Variants in EPHA5 observed in about 807,000 individuals in gnomAD.
The protein encoded by EPHA5 is ephrin type-A receptor 5.
EPHA5 carries 60 observed loss-of-function variants against 105.0 expected under a neutral mutation model. The observed-to-expected ratio is 0.57, with a 90% CI of 0.46 to 0.71. EPHA5 has a LOEUF of 0.71. EPHA5 is among the 30% of genes least tolerant of loss of function. The pLI is 0.00. For missense variants in EPHA5, 1,218 were observed against 1,274.7 expected (o/e 0.96, Z 0.68); for synonymous variants, 513 against 449.1 (o/e 1.14, Z -1.80).
At position 65,525,220 on chromosome 4, in the gene EPHA5, G is replaced by A. The variant is rs143822560; in HGVS notation, c.911-29677C>T. Among the ~76,000 whole-genome samples the A allele has an allele frequency of 3.0e-4, 45 of 151,512 alleles. No homozygotes were observed. The East Asian group carries it at 6.6e-3, about 22-fold the overall frequency. ...TATTAAAAGCTATATTAAAGGAGTGGCATTTGGCAGGAAATACTATAATTT... is the reference window on the plus strand; with the variant it reads ...TATTAAAAGCTATATTAAAGGAGTGACATTTGGCAGGAAATACTATAATTT... On this transcript the variant is annotated intron_variant, in intron 3 of 16. Transcript: ENST00000613740.
At chr4:65,541,045 C>T (rs1248660853) in intron 3 of EPHA5, among the ~76,000 whole-genome samples, 1 of 151,292 alleles carries the variant, frequency 6.6e-6, no homozygotes, top group East Asian at 1.9e-4. Context: ...GTCTGCACCT[C>T]CCTCCCTCCT....
intron 3 of EPHA5, among the ~76,000 whole-genome samples, chr4:65,563,205 C>T (rs1739198549): frequency 6.6e-6 from 1 of 152,004 alleles, no homozygotes; most frequent in African/African-American, 2.4e-5. Context: ...CCCCATTTGG[C>T]AGACCTGTCC....
Position 65,457,195 on chromosome 4 carries a change from T to C in EPHA5, c.1402+33182A>G, listed in dbSNP as rs148645329. Among the ~76,000 whole-genome samples the C allele has an allele frequency of 1.6e-3, 251 of 152,300 alleles. 1 individual carries two copies. Among genetic ancestry groups the C allele is most frequent in the African/African-American group, 5.8e-3 (242 of 41,580 alleles). ...AACATTGAGCTGCACAGGAAGAGAC[T>C]GCATACTGTTTTTGTTAATGGGATT... is the stretch of plus-strand genomic sequence containing the variant. On this transcript the variant is annotated intron_variant, in intron 5 of 16. Transcript: ENST00000613740.
At chr4:65,408,929 T>TG (rs1308109838) in intron 7 of EPHA5, among the ~76,000 whole-genome samples, 3 of 151,994 alleles carry the variant, frequency 2.0e-5, no homozygotes, top group East Asian at 1.9e-4. Context: ...AGCAAAGACT[T>TG]GAACCAACCC....
intron 3 of EPHA5, chr4:65,574,345 A>G (rs1448086860): frequency 4.9e-6 from 6 of 1,224,362 alleles, no homozygotes; most frequent in Non-Finnish European, 6.5e-6. Context: ...TAAGAACCTA[A>G]TTAAATAGCT....
chr4:65,379,536 T>C lies in EPHA5; in HGVS notation c.1794-12112A>G, dbSNP rs562790945. On this transcript the variant is annotated intron_variant, in intron 8 of 16. Coordinates refer to ENST00000613740, the MANE Select transcript of EPHA5 (RefSeq NM_001281766.3). ...AAAATAGTGATAAAAATAGATGTTT[T>C]CTCATAGGTTTTGTGAAAATAAAGT... 3.3e-5 allele frequency among the ~76,000 whole-genome samples: 5 copies of C among 151,856 alleles called. No homozygotes were observed. The East Asian group carries it at 9.7e-4, about 30-fold the overall frequency.
intron 5 of EPHA5, among the ~76,000 whole-genome samples, chr4:65,424,247 G>T (rs1724209833): frequency 6.6e-6 from 1 of 151,964 alleles, no homozygotes; most frequent in Admixed American, 6.6e-5. Context: ...ACAAAATCCT[G>T]TCATCAGTTG....
intron 11 of EPHA5, among the ~76,000 whole-genome samples, chr4:65,355,186 T>C (rs540145937): frequency 6.6e-6 from 1 of 151,688 alleles, no homozygotes; most frequent in East Asian, 1.9e-4. Context: ...GCCCATGAAG[T>C]TTAAATACAG....
intron 15 of EPHA5, among the ~76,000 whole-genome samples, chr4:65,333,523 G>T (rs1005208694): frequency 8.2e-6 from 1 of 121,952 alleles, no homozygotes; most frequent in Non-Finnish European, 1.7e-5. Flanking sequence ...GTGCGTGTGC[G>T]TGTGAGAGTG....
At chr4:65,350,380 C>A (rs994507067) in intron 13 of EPHA5, among the ~76,000 whole-genome samples, 2 of 151,658 alleles carry the variant, frequency 1.3e-5, no homozygotes, top group South Asian at 2.1e-4. Context: ...AAAAAAAAAA[C>A]CCTTATAATC....
At chr4:65,355,963 G>A (rs1389759050) in intron 11 of EPHA5, among the ~76,000 whole-genome samples, 1 of 151,412 alleles carries the variant, frequency 6.6e-6, no homozygotes, top group African/African-American at 2.4e-5. Flanking sequence ...GATTCTGCCT[G>A]ATTTATCCCC....
At chr4:65,424,242 A>G (rs1283404740) in intron 5 of EPHA5, among the ~76,000 whole-genome samples, 2 of 152,086 alleles carry the variant, frequency 1.3e-5, no homozygotes, top group Non-Finnish European at 2.9e-5. Flanking sequence ...GATATACAAA[A>G]TCCTGTCATC....
At chr4:65,429,449 CCA>C (rs1724769676) in intron 5 of EPHA5, among the ~76,000 whole-genome samples, 1 of 147,464 alleles carries the variant, frequency 6.8e-6, no homozygotes, top group Admixed American at 7.1e-5. Flanking sequence ...GTTTTGGCAA[CCA>C]CAGACTAAGT....
rs1372020897 is a variant in EPHA5, at chr4:65,465,530, AAGAAAG to A, written c.1402+24841_1402+24846del. On this transcript the variant is annotated intron_variant, in intron 5 of 16. Transcript: ENST00000613740. ...AAGAAAGAAAGAAAGAAAGAAAGAAAAGAAAGGAAAGGAAGGAAAGGAAGGAAAGGA... is the reference window on the plus strand; with the variant it reads ...AAGAAAGAAAGAAAGAAAGAAAGAAAGAAAGGAAGGAAAGGAAGGAAAGGA... 2.8e-3 allele frequency among the ~76,000 whole-genome samples: 244 copies of A among 88,436 alleles called. 1 individual carries two copies. Among genetic ancestry groups the A allele is most frequent in the Middle Eastern group, 0.011 (2 of 178 alleles). The allele number at this position is 88,436 out of a possible 152,430, so 58.0% of individuals were successfully genotyped here.
At chr4:65,465,519 GAAAGAAAGAAAAGAAAGGA>G (rs1728585571) in intron 5 of EPHA5, among the ~76,000 whole-genome samples, 1 of 86,976 alleles carries the variant, frequency 1.1e-5, no homozygotes, top group Non-Finnish European at 2.4e-5. Context: ...AAGAAAGAAA[GAAAGAAAGAAAAGAAAGGA>G]AAGGAAGGAA....
intron 3 of EPHA5, among the ~76,000 whole-genome samples, chr4:65,515,813 C>T (rs570133052): frequency 1.3e-5 from 2 of 152,214 alleles, no homozygotes; most frequent in Admixed American, 1.3e-4. Flanking sequence ...AATAGACAGA[C>T]TGAGAAAAGC....
intron 3 of EPHA5, among the ~76,000 whole-genome samples, chr4:65,597,156 A>G (rs530164830): frequency 2.0e-5 from 3 of 152,158 alleles, no homozygotes; most frequent in Non-Finnish European, 2.9e-5. Context: ...TTTAGCATGT[A>G]CTATATACCT....
intron 5 of EPHA5, among the ~76,000 whole-genome samples, chr4:65,476,590 T>C (rs1016063108): frequency 1.3e-5 from 2 of 151,892 alleles, no homozygotes; most frequent in African/African-American, 4.8e-5. Flanking sequence ...GAGCACGGAG[T>C]GAGAGGAGGG....
chr4:65,551,100 G>A (rs914843337), intron 3 of EPHA5, among the ~76,000 whole-genome samples: 17 of 151,114 alleles, frequency 1.1e-4, no homozygotes, highest in Middle Eastern at 3.4e-3. Context: ...ACATATATGT[G>A]TATATATGAA....
Sources: gnomAD v4.1 joint callset for allele counts (sites outside exome capture counted in the v4.1 genomes callset) on GRCh38, gnomAD v4.1.1 for gene constraint, MANE v1.5 for transcripts, NCBI Gene and HGNC (gene_info 2026-07-23, HGNC 2026-07-21) for gene names.